ATP11B: variants seen among roughly 807,000 people sequenced by gnomAD.
The protein encoded by ATP11B is phospholipid-transporting ATPase IF.
A neutral mutation model predicts 157.8 loss-of-function variants in ATP11B; 81 were observed. The ratio of observed to expected loss-of-function variants is 0.51; its 90% CI spans 0.43 to 0.62. The LOEUF (loss-of-function observed/expected upper bound fraction) is 0.62, where lower values mean the gene tolerates loss of function less well. ATP11B is among the 20% of genes least tolerant of loss of function. ATP11B has a pLI of 0.00. For synonymous variants in ATP11B, 451 were observed against 469.4 expected, an observed-to-expected ratio of 0.96 and a Z score of 0.51; for missense variants, 1,165 against 1,402.2, an observed-to-expected ratio of 0.83 and a Z score of 2.70.
In ATP11B at chr3:182,884,762, G is replaced by C. The variant is rs748126459; in HGVS notation, c.2519G>C (p.Gly840Ala). Residue 840 changes from glycine (G) to alanine (A), a missense_variant, in exon 22 of 30, where the codon GGT (glycine) becomes GCT (alanine). Around this residue, in one of 4 missense-constraint regions of ATP11B, gnomAD observed 737 missense variants for 930.5 expected, o/e 0.79. Transcript: ENST00000323116. ...GTCCCTTTTATTATAGGAATCATGG[G>C]TAAAGAAGGAAGACAGGCTGCAAGA... The part of the protein sequence containing the change: ...QEAHVGIGIM[G>A]KEGRQAARNS... The C allele has an allele frequency of 1.4e-5, 22 of 1,592,354 alleles. No homozygotes were observed. Among genetic ancestry groups the C allele is most frequent in the Non-Finnish European group, 1.5e-5 (18 of 1,174,374 alleles).
chr3:182,849,750 C>T lies in ATP11B; in HGVS notation c.851+1193C>T, dbSNP rs550559024. 1.4e-4 allele frequency among the ~76,000 whole-genome samples: 21 copies of T among 152,012 alleles called. No individual in the cohort carries two copies. In the South Asian group the frequency reaches 4.4e-3, roughly 32 times the overall value. On this transcript the variant is annotated intron_variant, in intron 10 of 29. Transcript: ENST00000323116. ...AGGAAAAATGAACAGAGCTTCAGAG[C>T]CATGTGGGATAATATTAAGCTGTTT...
chr3:182,817,205 T>C (rs888158355), intron 1 of ATP11B, among the ~76,000 whole-genome samples: 1 of 152,166 alleles, frequency 6.6e-6, no homozygotes, highest in African/African-American at 2.4e-5. Flanking sequence ...TTATTTTTAA[T>C]TGGAATATAG....
intron 21 of ATP11B, among the ~76,000 whole-genome samples, chr3:182,881,726 A>G (rs1722441491): frequency 6.6e-6 from 1 of 152,108 alleles, no homozygotes; most frequent in African/African-American, 2.4e-5. Flanking sequence ...GTACTTTCAC[A>G]TGTTATTTTA....
chr3:182,831,454 A>G (rs1184854420), intron 4 of ATP11B, among the ~76,000 whole-genome samples: 1 of 152,098 alleles, frequency 6.6e-6, no homozygotes, highest in Non-Finnish European at 1.5e-5. Flanking sequence ...CTACCCTCCC[A>G]CTTAAAGCTA....
Position 182,857,923 on chromosome 3 carries a change from T to C in ATP11B, c.897T>C (p.Ser299=). 6.3e-7 allele frequency: 1 copy of C among 1,575,926 alleles called. No homozygotes were observed. Among genetic ancestry groups the C allele is most frequent in the Non-Finnish European group, 8.7e-7 (1 of 1,146,480 alleles). ...TAATTTATCTAGTAATTCTTATATC[T>C]GAAGCTGTCATCAGCACTATCTTGA... ...FLIIYLVILI[S]EAVISTILKY... The change falls in exon 11 of 30, where the codon TCT becomes TCC. Residue 299 remains serine, a synonymous_variant. Coordinates refer to ENST00000323116, the MANE Select transcript of ATP11B (RefSeq NM_014616.3).
Position 182,869,062 on chromosome 3 carries a change from A to G in ATP11B, c.1689-16A>G, listed in dbSNP as rs558618561. The G allele has an allele frequency of 2.1e-5, 32 of 1,558,760 alleles. No individual in the cohort carries two copies. The highest frequency in any genetic ancestry group is 2.8e-5 in the Non-Finnish European group (32 of 1,147,672). On this transcript the variant is annotated splice_polypyrimidine_tract_variant and intron_variant, in intron 15 of 29. Transcript: ENST00000323116. ...AAAAAGTAAAGTTTTTGTCTTTCTT[A>G]CTTTCTTTTGTTTAGGTACAAACTG... is the stretch of plus-strand genomic sequence containing the variant.
At chr3:182,862,119 G>A (rs1214073732) in intron 12 of ATP11B, among the ~76,000 whole-genome samples, 3 of 151,208 alleles carry the variant, frequency 2.0e-5, no homozygotes, top group Non-Finnish European at 4.4e-5. Flanking sequence ...AATACTAGCT[G>A]GAATACAAAA....
chr3:182,865,744 T>G, intron 13 of ATP11B, 46 bp downstream of exon 13: 1 of 1,494,850 alleles, frequency 6.7e-7, no homozygotes, highest in Non-Finnish European at 9.0e-7. Flanking sequence ...TATGAAATAA[T>G]TCTCTTCAGT....
intron 24 of ATP11B, among the ~76,000 whole-genome samples, chr3:182,888,070 A>G (rs1480243519): frequency 3.3e-5 from 5 of 152,204 alleles, no homozygotes; most frequent in Non-Finnish European, 5.9e-5. Context: ...AGCGAAATTT[A>G]TGAGTAATAA....
intron 11 of ATP11B, among the ~76,000 whole-genome samples, chr3:182,858,795 C>T (rs1226241916): frequency 6.6e-6 from 1 of 152,068 alleles, no homozygotes; most frequent in African/African-American, 2.4e-5. Context: ...TAGTAGTTAT[C>T]TGATTTTGAA....
At chr3:182,818,207 C>T (rs1331759787) in intron 1 of ATP11B, among the ~76,000 whole-genome samples, 1 of 152,156 alleles carries the variant, frequency 6.6e-6, no homozygotes, top group East Asian at 1.9e-4. Flanking sequence ...ATGCTTCCTG[C>T]AGTCTAATGC....
chr3:182,852,117 A>G (rs556433126), intron 10 of ATP11B, among the ~76,000 whole-genome samples: 3 of 152,350 alleles, frequency 2.0e-5, no homozygotes, highest in East Asian at 3.9e-4. Flanking sequence ...TTAAAAATCA[A>G]TAACAAAATC....
chr3:182,878,747 TC>T (rs1167336813), intron 19 of ATP11B, among the ~76,000 whole-genome samples: 4 of 152,228 alleles, frequency 2.6e-5, no homozygotes, highest in African/African-American at 9.6e-5. Flanking sequence ...ACAGTGCTGT[TC>T]CTTCATTCTT....
chr3:182,857,996 CA>C lies in ATP11B; in HGVS notation c.976del (p.Thr326GlnfsTer11). On this transcript the variant is annotated frameshift_variant, in exon 11 of 30. Coordinates refer to ENST00000323116, the MANE Select transcript of ATP11B (RefSeq NM_014616.3). LOFTEE classifies it high-confidence loss of function. ...EEKWDEPWYN[Q>X]KTEHQRNSSK... Reference sequence around the variant, plus strand: ...AAAATGGGATGAACCTTGGTATAACCAAAAAACAGAACATCAAAGAAATAGC... The same window carrying C: ...AAAATGGGATGAACCTTGGTATAACCAAAAACAGAACATCAAAGAAATAGC... The C allele has an allele frequency of 6.2e-7, 1 of 1,610,656 alleles. No individual in the cohort carries two copies. Among genetic ancestry groups the C allele is most frequent in the Non-Finnish European group, 8.5e-7 (1 of 1,177,740 alleles).
At chr3:182,878,446 C>T (rs1435930867) in intron 19 of ATP11B, among the ~76,000 whole-genome samples, 1 of 152,206 alleles carries the variant, frequency 6.6e-6, no homozygotes, top group Admixed American at 6.5e-5. Flanking sequence ...AAGGAGCTTA[C>T]ATCAAAATGT....
chr3:182,877,339 C>T (rs1722115352), intron 19 of ATP11B, among the ~76,000 whole-genome samples: 1 of 152,138 alleles, frequency 6.6e-6, no homozygotes, highest in Admixed American at 6.5e-5. Context: ...AAACGGGAGG[C>T]TGGGCACAGT....
chr3:182,856,856 A>T (rs1314599051), intron 10 of ATP11B, among the ~76,000 whole-genome samples: 1 of 152,220 alleles, frequency 6.6e-6, no homozygotes, highest in Non-Finnish European at 1.5e-5. Context: ...AGTTTTTACA[A>T]AGCTTGTGAT....
chr3:182,833,357 A>T (rs950054966), intron 4 of ATP11B, among the ~76,000 whole-genome samples: 1 of 152,150 alleles, frequency 6.6e-6, no homozygotes, highest in Non-Finnish European at 1.5e-5. Context: ...TTAGAGTCTC[A>T]TTCTGTTGTC....
At chr3:182,879,424 G>A (rs1289067502) in intron 19 of ATP11B, 72 bp from the exon 20 acceptor site, 2 of 1,305,054 alleles carry the variant, frequency 1.5e-6, no homozygotes, top group Non-Finnish European at 1.0e-6. Context: ...GTAAGAATGT[G>A]TTGTTCTATA....
Sources: allele counts gnomAD v4.1 joint callset (sites outside exome capture counted in the v4.1 genomes callset), GRCh38; gene constraint gnomAD v4.1.1; regional missense constraint gnomAD v4.1.1; transcripts MANE v1.5; gene names NCBI Gene and HGNC (gene_info 2026-07-23, HGNC 2026-07-21).